Variants in DGKB observed in about 807,000 individuals in gnomAD.
The protein encoded by DGKB is diacylglycerol kinase beta, also known as 90 kDa diacylglycerol kinase.
A neutral mutation model predicts 114.3 loss-of-function variants in DGKB; 67 were observed. That is an observed-to-expected ratio of 0.59 (90% CI 0.48 to 0.72). DGKB has a LOEUF of 0.72. Among genes scored for constraint, DGKB ranks in the 30% least tolerant of loss-of-function variants. The probability of loss-of-function intolerance (pLI) is 0.00; values close to 1 mark genes in which losing one functional copy is unlikely to be tolerated. For missense variants in DGKB, 907 were observed against 975.2 expected (o/e 0.93, Z 0.93); for synonymous variants, 398 against 323.1 (o/e 1.23, Z -2.49).
chr7:14,396,239 G>A (rs7797653), intron 21 of DGKB, among the ~76,000 whole-genome samples: 4,267 of 152,032 alleles, frequency 0.028, 219 homozygotes, highest in African/African-American at 0.097. Context: ...CTGAAGATTT[G>A]TTTATTTGAT....
intron 20 of DGKB, among the ~76,000 whole-genome samples, chr7:14,524,877 G>A (rs545301105): frequency 1.3e-5 from 2 of 151,970 alleles, no homozygotes; most frequent in South Asian, 4.2e-4. Flanking sequence ...CATATATCAT[G>A]TATAATGAAT....
intron 13 of DGKB, among the ~76,000 whole-genome samples, chr7:14,653,684 T>A (rs1815141429): frequency 6.6e-6 from 1 of 151,614 alleles, no homozygotes; most frequent in Admixed American, 6.6e-5. Context: ...TTCACCATGA[T>A]CAAGTAGGAG....
At chr7:14,915,659 A>T (rs36849) in intron 1 of DGKB, among the ~76,000 whole-genome samples, 85,697 of 151,878 alleles carry the variant, frequency 0.56, 26,914 homozygotes, top group East Asian at 0.92. Flanking sequence ...GAAAGTGGAG[A>T]CAAGTATTTA....
chr7:14,272,232 A>T (rs1343230438), intron 23 of DGKB, among the ~76,000 whole-genome samples: 1 of 152,124 alleles, frequency 6.6e-6, no homozygotes, highest in African/African-American at 2.4e-5. Flanking sequence ...ATGGTGTGTC[A>T]ATTTAAGACA....
chr7:14,624,938 C>T (rs1332459812), intron 14 of DGKB, among the ~76,000 whole-genome samples: 1 of 151,970 alleles, frequency 6.6e-6, no homozygotes, highest in East Asian at 1.9e-4. Context: ...ATGGAGGTTG[C>T]AGTGAGCCAA....
At chr7:14,464,081 T>G (rs1262626527) in intron 21 of DGKB, among the ~76,000 whole-genome samples, 1 of 152,020 alleles carries the variant, frequency 6.6e-6, no homozygotes, top group Non-Finnish European at 1.5e-5. Flanking sequence ...AGCAATAGAA[T>G]TTTTTTGTAA....
At chr7:14,697,489 A>G (rs949041075) in intron 8 of DGKB, among the ~76,000 whole-genome samples, 12 of 152,266 alleles carry the variant, frequency 7.9e-5, no homozygotes, top group Admixed American at 5.9e-4. Context: ...ACCATTCAAA[A>G]TAACTTCCAC....
At chr7:14,428,073 A>C (rs1244936654) in intron 21 of DGKB, among the ~76,000 whole-genome samples, 1 of 152,148 alleles carries the variant, frequency 6.6e-6, no homozygotes, top group African/African-American at 2.4e-5. Flanking sequence ...TATTCAATAA[A>C]AAATATTCTG....
chr7:14,170,165 G>GAAAT lies in DGKB; in HGVS notation c.2304+6673_2304+6674insATTT, dbSNP rs1181074613. On this transcript the variant is annotated intron_variant, in intron 25 of 25. Transcript: ENST00000402815. ...AAAAAAAAAGAAAGAAAGAAAGAAA[G>GAAAT]AAAGAAAGAAAGAAAGAAAGAAAGA... 1.0e-4 allele frequency among the ~76,000 whole-genome samples: 10 copies of GAAAT among 97,546 alleles called. No individual in the cohort carries two copies. In the South Asian group the frequency reaches 2.8e-3, roughly 27 times the overall value. 64.0% of individuals were successfully genotyped at this position (97,546 alleles called of 152,430 possible). A position where few individuals can be genotyped will look rare whatever the true frequency, so the allele number is the denominator to read the frequency against.
intron 23 of DGKB, among the ~76,000 whole-genome samples, chr7:14,242,746 A>G (rs1477835075): frequency 6.6e-6 from 1 of 152,092 alleles, no homozygotes; most frequent in Non-Finnish European, 1.5e-5. Context: ...AAATTCACCT[A>G]TACCCTTCAT....
At position 14,931,112 on chromosome 7, in the gene DGKB, ATT is replaced by A. The variant is rs543630712; in HGVS notation, c.-188+43582_-188+43583del. 9.1e-3 allele frequency among the ~76,000 whole-genome samples: 1,249 copies of A among 136,596 alleles called. 8 individuals are homozygous for A. Among genetic ancestry groups the A allele is most frequent in the African/African-American group, 0.026 (963 of 36,894 alleles). 89.6% of individuals were successfully genotyped at this position (136,596 alleles called of 152,430 possible). ...GTGCTGTTAGATTCAGTTTGCTAGT[ATT>A]TTTTTTTTTTTTTTTGAGATGGAGT... On this transcript the variant is annotated intron_variant, in intron 1 of 4. Coordinates refer to the DGKB transcript ENST00000437998.
At chr7:14,287,810 G>A (rs570749458) in intron 23 of DGKB, among the ~76,000 whole-genome samples, 1 of 152,146 alleles carries the variant, frequency 6.6e-6, no homozygotes, top group African/African-American at 2.4e-5. Context: ...TCATGAACAT[G>A]TTTAGATCTA....
At chr7:14,842,308 A>G (rs1254651534) in intron 1 of DGKB, among the ~76,000 whole-genome samples, 2 of 152,014 alleles carry the variant, frequency 1.3e-5, no homozygotes, top group Non-Finnish European at 2.9e-5. Context: ...TTTCTTCAAC[A>G]TCTCTTTACT....
chr7:14,460,360 CATGCAAAG>C (rs1832894932), intron 21 of DGKB, among the ~76,000 whole-genome samples: 1 of 151,594 alleles, frequency 6.6e-6, no homozygotes, highest in South Asian at 2.1e-4. Context: ...ACCCACCTCA[CATGCAAAG>C]ACACACATAG....
chr7:14,230,560 C>T (rs1447865032), intron 23 of DGKB, among the ~76,000 whole-genome samples: 1 of 151,982 alleles, frequency 6.6e-6, no homozygotes, highest in African/African-American at 2.4e-5. Flanking sequence ...AGAGCAATAA[C>T]TAAACTCTTT....
chr7:14,186,563 G>A (rs1019499795), intron 23 of DGKB, among the ~76,000 whole-genome samples: 3 of 152,188 alleles, frequency 2.0e-5, no homozygotes, highest in African/African-American at 7.2e-5. Flanking sequence ...AAAGATACTT[G>A]CACATGCATG....
rs569866081 is a variant in DGKB, at chr7:14,173,935, C to T, written c.2304+2904G>A. 2.6e-5 allele frequency among the ~76,000 whole-genome samples: 4 copies of T among 152,094 alleles called. No homozygotes were observed. The South Asian group carries it at 8.3e-4, about 32-fold the overall frequency. On this transcript the variant is annotated intron_variant, in intron 25 of 25. Transcript: ENST00000402815. Reference sequence around the variant, plus strand: ...TTTTATTAATTTAACAATTGTAAGTCATGATAGTTAACAGGTGAAATGAAT... The same window carrying T: ...TTTTATTAATTTAACAATTGTAAGTTATGATAGTTAACAGGTGAAATGAAT...
chr7:14,795,603 C>T lies in DGKB; in HGVS notation c.71-37872G>A, dbSNP rs141270945. ...CAGACCTCAGAGTGGGAACTGTAGT[C>T]ACTGCATTGAGAAGCCTAAAGGCAA... On this transcript the variant is annotated intron_variant, in intron 2 of 25. Coordinates refer to ENST00000402815, the MANE Select transcript of DGKB (RefSeq NM_001350709.2). Among the ~76,000 whole-genome samples the T allele has an allele frequency of 2.0e-5, 3 of 152,224 alleles. No homozygotes were observed. In the East Asian group the frequency reaches 5.8e-4, roughly 30 times the overall value.
intron 23 of DGKB, among the ~76,000 whole-genome samples, chr7:14,254,767 TG>T (rs1418163530): frequency 6.6e-6 from 1 of 152,172 alleles, no homozygotes; most frequent in African/African-American, 2.4e-5. Context: ...TGCAGCAGTG[TG>T]TGATCAAGTA....
Sources: allele counts gnomAD v4.1 joint callset (sites outside exome capture counted in the v4.1 genomes callset), GRCh38; gene constraint gnomAD v4.1.1; transcripts MANE v1.5; gene names NCBI Gene and HGNC (gene_info 2026-07-23, HGNC 2026-07-21).